Variants in EFCAB6 observed in about 807,000 individuals in gnomAD.
The protein encoded by EFCAB6 is EF-hand calcium binding domain 6, also known as EF-hand calcium-binding domain-containing protein 6.
In EFCAB6, 156 loss-of-function variants were observed where a neutral mutation model predicts 169.8. That is an observed-to-expected ratio of 0.92 (90% CI 0.81 to 1.05). The LOEUF (loss-of-function observed/expected upper bound fraction) is 1.05, where lower values mean the gene tolerates loss of function less well. Ranked by LOEUF, EFCAB6 falls within the 50% of genes least tolerant of loss-of-function variation. EFCAB6 has a pLI of 0.00. For missense variants in EFCAB6, 1,800 were observed against 1,829.1 expected (o/e 0.98, Z 0.29); for synonymous variants, 698 against 676.4 (o/e 1.03, Z -0.50).
At chr22:43,603,707 C>T (rs1342694825) in intron 22 of EFCAB6, among the ~76,000 whole-genome samples, 1 of 152,268 alleles carries the variant, frequency 6.6e-6, no homozygotes. Context: ...TGCTGATGGC[C>T]TAGGCCAGGC....
chr22:43,653,521 T>G (rs2056584916), intron 17 of EFCAB6, among the ~76,000 whole-genome samples: 1 of 152,168 alleles, frequency 6.6e-6, no homozygotes, highest in Non-Finnish European at 1.5e-5. Flanking sequence ...GTAAACAGCT[T>G]GGAAGTCATC....
chr22:43,682,466 TTTAA>T (rs1218625314), intron 12 of EFCAB6, among the ~76,000 whole-genome samples: 4 of 152,200 alleles, frequency 2.6e-5, no homozygotes, highest in African/African-American at 9.7e-5. Flanking sequence ...TTTCCCTATT[TTTAA>T]TTAAATTACT....
At chr22:43,636,832 G>C in intron 17 of EFCAB6, among the ~76,000 whole-genome samples, 1 of 151,696 alleles carries the variant, frequency 6.6e-6, no homozygotes, top group Non-Finnish European at 1.5e-5. Context: ...GGATGGTCTC[G>C]ATCTCCTGAC....
At chr22:43,806,704 A>G (rs1323251223) in intron 2 of EFCAB6, among the ~76,000 whole-genome samples, 1 of 152,174 alleles carries the variant, frequency 6.6e-6, no homozygotes, top group African/African-American at 2.4e-5. Context: ...GCTTTGGTTC[A>G]TGCCTGTGCT....
intron 6 of EFCAB6, among the ~76,000 whole-genome samples, chr22:43,741,099 A>G (rs2060353544): frequency 1.3e-5 from 2 of 152,140 alleles, no homozygotes. Context: ...GGTGTCCAAG[A>G]CTTGTCCCAC....
intron 10 of EFCAB6, 26 bp downstream of exon 10, chr22:43,711,449 T>C (rs191251443): frequency 1.3e-6 from 2 of 1,536,854 alleles, no homozygotes; most frequent in East Asian, 2.3e-5. Context: ...GGGAAAAAAA[T>C]GTCAAGGAAA....
intron 27 of EFCAB6, among the ~76,000 whole-genome samples, chr22:43,548,218 A>G (rs1244772287): frequency 1.3e-5 from 2 of 152,160 alleles, no homozygotes; most frequent in South Asian, 4.1e-4. Context: ...ATCCATATAA[A>G]TAAATGAGAT....
chr22:43,571,377 T>C (rs984770577), intron 26 of EFCAB6, among the ~76,000 whole-genome samples: 1 of 152,216 alleles, frequency 6.6e-6, no homozygotes, highest in Non-Finnish European at 1.5e-5. Flanking sequence ...AATTACATTT[T>C]GGTAATCTCC....
intron 25 of EFCAB6, 21 bp from the exon 26 acceptor site, chr22:43,576,509 A>C: frequency 6.6e-7 from 1 of 1,504,790 alleles, no homozygotes; most frequent in Non-Finnish European, 8.8e-7. Flanking sequence ...AGAAAAGAAA[A>C]AAAGATGGCA....
chr22:43,741,706 C>T (rs951786986), intron 6 of EFCAB6, among the ~76,000 whole-genome samples: 1 of 152,194 alleles, frequency 6.6e-6, no homozygotes, highest in African/African-American at 2.4e-5. Flanking sequence ...GGATTCGCAG[C>T]CGTGTCTGCG....
At chr22:43,696,425 C>A (rs943518320) in intron 10 of EFCAB6, among the ~76,000 whole-genome samples, 1 of 152,120 alleles carries the variant, frequency 6.6e-6, no homozygotes, top group Non-Finnish European at 1.5e-5. Flanking sequence ...ACCATGCAAT[C>A]CACCAATTTT....
At chr22:43,654,452 G>A (rs2056634222) in intron 17 of EFCAB6, among the ~76,000 whole-genome samples, 1 of 152,246 alleles carries the variant, frequency 6.6e-6, no homozygotes, top group African/African-American at 2.4e-5. Flanking sequence ...CAACAGTGAT[G>A]AGTCATATTA....
At chr22:43,752,025 C>A (rs936883965) in intron 6 of EFCAB6, among the ~76,000 whole-genome samples, 2 of 152,044 alleles carry the variant, frequency 1.3e-5, no homozygotes, top group Admixed American at 6.5e-5. Context: ...TAAGGCCCCA[C>A]CAGCCAAGAG....
chr22:43,568,669 C>T (rs1369892402), intron 26 of EFCAB6, among the ~76,000 whole-genome samples: 1 of 152,064 alleles, frequency 6.6e-6, no homozygotes, highest in Non-Finnish European at 1.5e-5. Context: ...AGCAGTGTCC[C>T]CCGCACCATG....
At chr22:43,675,292 T>C (rs1362159088) in intron 13 of EFCAB6, among the ~76,000 whole-genome samples, 3 of 126,836 alleles carry the variant, frequency 2.4e-5, no homozygotes, top group Non-Finnish European at 5.0e-5. Context: ...AATTATTATA[T>C]AGCATAATTA....
chr22:43,675,386 CTATAATATATAATATAATATAGGATT>C (rs1292019231), intron 13 of EFCAB6, among the ~76,000 whole-genome samples: 1 of 47,844 alleles, frequency 2.1e-5, no homozygotes. Flanking sequence ...CTATATTATA[CTATAATATATAATATAATATAGGATT>C]TATAATATAT....
At chr22:43,759,463 C>A (rs770395768) in intron 5 of EFCAB6, 1 of 152,168 alleles carries the variant, frequency 6.6e-6, no homozygotes, top group African/African-American at 2.4e-5. Context: ...AAGTGCCACA[C>A]GGATTATCTA....
intron 20 of EFCAB6, among the ~76,000 whole-genome samples, chr22:43,620,281 T>C (rs1355241461): frequency 6.6e-6 from 1 of 151,674 alleles, no homozygotes; most frequent in Non-Finnish European, 1.5e-5. Context: ...CACGCTCCAG[T>C]CTGGGTGACA....
chr22:43,566,497 A>G (rs1307492029), intron 26 of EFCAB6, among the ~76,000 whole-genome samples: 1 of 152,178 alleles, frequency 6.6e-6, no homozygotes, highest in African/African-American at 2.4e-5. Flanking sequence ...GCTGGGGAAC[A>G]GGGAATCTTC....
Sources: allele counts gnomAD v4.1 joint callset (sites outside exome capture counted in the v4.1 genomes callset), GRCh38; gene constraint gnomAD v4.1.1; transcripts MANE v1.5; gene names NCBI Gene and HGNC (gene_info 2026-07-23, HGNC 2026-07-21).